The following GCKR variants were observed in gnomAD, a reference collection of about 807,000 sequenced individuals.
GCKR encodes the protein glucokinase regulator.
In GCKR, 73 loss-of-function variants were observed where a neutral mutation model predicts 82.9. The ratio of observed to expected loss-of-function variants is 0.88; its 90% CI spans 0.73 to 1.07. The LOEUF (loss-of-function observed/expected upper bound fraction) is 1.07. GCKR is among the 50% of genes least tolerant of loss of function. GCKR has a pLI of 0.00. For missense variants in GCKR, 784 were observed against 782.1 expected (o/e 1.00, Z -0.03); for synonymous variants, 294 against 291.8 (o/e 1.01, Z -0.08).
rs1357658030 is a variant in GCKR at position 27,506,561 on chromosome 2, T to A, written c.950T>A (p.Met317Lys). The change falls in exon 11 of 19, where the codon ATG becomes AAG. Residue 317 changes from methionine to lysine, a missense_variant. Met to Lys is a moderately conservative substitution (Grantham distance 95). Coordinates refer to ENST00000264717, the MANE Select transcript of GCKR (RefSeq NM_001486.4). ...CAAAGCCCCAAGATTGCCACCCTGA[T>A]GAAGAGTGTCAGCACCAGGTGTGTG... Reference protein sequence around the residue: ...YSQSPKIATLMKSVSTSLEKK... With the variant: ...YSQSPKIATLKKSVSTSLEKK... 3.7e-6 allele frequency: 6 copies of A among 1,610,338 alleles called. No individual in the cohort carries two copies. Among genetic ancestry groups the A allele is most frequent in the Admixed American group, 3.3e-5 (2 of 59,998 alleles).
chr2:27,522,162 A>T (rs1300142074), intron 17 of GCKR, among the ~76,000 whole-genome samples: 2 of 152,200 alleles, frequency 1.3e-5, no homozygotes, highest in Non-Finnish European at 1.5e-5. Flanking sequence ...AGAGAGAGGG[A>T]GTCCAGATTA....
In GCKR at chr2:27,506,816, G is replaced by C; in HGVS notation, c.997G>C (p.Val333Leu). The C allele has an allele frequency of 6.2e-7, 1 of 1,613,430 alleles. No individual in the cohort carries two copies. Reference protein sequence around the residue: ...SLEKKGHVYLVGWQTLGIIAI... With the variant: ...SLEKKGHVYLLGWQTLGIIAI... ...GGAGAAGAAAGGCCACGTGTACCTG[G>C]TTGGCTGGCAGACCCTGGGCATCAT... The change falls in exon 12 of 19, where the codon GTT becomes CTT. Residue 333 changes from valine to leucine, a missense_variant. Coordinates refer to ENST00000264717, the MANE Select transcript of GCKR (RefSeq NM_001486.4).
Position 27,499,225 on chromosome 2 carries a change from G to T in GCKR, c.495+17G>T. The T allele has an allele frequency of 6.3e-7, 1 of 1,577,892 alleles. No homozygotes were observed. The highest frequency in any genetic ancestry group is 1.1e-5 in the South Asian group (1 of 90,280). On this transcript the variant is annotated intron_variant, in intron 6 of 18. Transcript: ENST00000264717. ...CTGAAGAAGGTCTGTGCTTTTCACT[G>T]ACATTGACCAGAGACCTCTATCTGT...
At chr2:27,502,083 G>C (rs1669597237) in intron 8 of GCKR, among the ~76,000 whole-genome samples, 1 of 152,206 alleles carries the variant, frequency 6.6e-6, no homozygotes, top group African/African-American at 2.4e-5. Flanking sequence ...ATGCGGCAAA[G>C]GCTTGTTGAT....
chr2:27,503,491 C>A, intron 8 of GCKR, 23 bp from the exon 9 acceptor site: 1 of 1,256,512 alleles, frequency 8.0e-7, no homozygotes, highest in Non-Finnish European at 1.2e-6. Flanking sequence ...AATCTCCCCA[C>A]CTTGTGTCTC....
chr2:27,516,736 G>A (rs1298320541), intron 16 of GCKR, among the ~76,000 whole-genome samples: 1 of 152,064 alleles, frequency 6.6e-6, no homozygotes, highest in Non-Finnish European at 1.5e-5. Context: ...GGTATCAATG[G>A]TTAGTGGTAT....
intron 16 of GCKR, among the ~76,000 whole-genome samples, chr2:27,516,256 A>G (rs1670002423): frequency 8.0e-6 from 1 of 124,292 alleles, no homozygotes. Context: ...TATGTTTGGT[A>G]TCCAATAGGG....
At chr2:27,514,618 A>G (rs970073534) in intron 16 of GCKR, among the ~76,000 whole-genome samples, 3 of 152,202 alleles carry the variant, frequency 2.0e-5, no homozygotes, top group African/African-American at 7.2e-5. Context: ...CACATATGTA[A>G]TAGTTTACTC....
At position 27,522,520 on chromosome 2, in the gene GCKR, C is replaced by T. The variant is rs1249874193; in HGVS notation, c.1633C>T (p.Pro545Ser). The change falls in exon 18 of 19, where the codon CCC (proline) becomes TCC (serine). Residue 545 changes from proline to serine, a missense_variant. Physicochemically the swap from Pro to Ser is moderately conservative, Grantham distance 74. Transcript: ENST00000264717. ...GAGCCTCCTCCGAGCGATCCACTTTCCCCAGCCACTGTCAGATGATATTCG... is the reference window on the plus strand; with the variant it reads ...GAGCCTCCTCCGAGCGATCCACTTTTCCCAGCCACTGTCAGATGATATTCG... Reference protein sequence around the residue: ...IESLLRAIHFPQPLSDDIRAA... With the variant: ...IESLLRAIHFSQPLSDDIRAA... The T allele has an allele frequency of 1.2e-6, 2 of 1,613,700 alleles. No homozygotes were observed. The highest frequency in any genetic ancestry group is 8.5e-7 in the Non-Finnish European group (1 of 1,179,690).
intron 7 of GCKR, among the ~76,000 whole-genome samples, chr2:27,500,724 A>G (rs1171374184): frequency 6.6e-6 from 1 of 152,214 alleles, no homozygotes; most frequent in African/African-American, 2.4e-5. Flanking sequence ...CAAGATTTCC[A>G]GGTAGTTTGA....
chr2:27,522,333 C>G, intron 17 of GCKR, 127 bp from the exon 18 acceptor site: 1 of 906,878 alleles, frequency 1.1e-6, no homozygotes, highest in Non-Finnish European at 1.8e-6. Context: ...GACAAATCAT[C>G]TACAGCCTCT....
At chr2:27,501,624 A>G (rs1669580734) in intron 8 of GCKR, 12 of 425,680 alleles carry the variant, frequency 2.8e-5, no homozygotes, top group South Asian at 2.0e-4. Flanking sequence ...AGTGGGTGCC[A>G]GATGGCCTCC....
intron 2 of GCKR, 43 bp from the exon 3 acceptor site, chr2:27,497,519 G>T: frequency 6.4e-7 from 1 of 1,571,568 alleles, no homozygotes; most frequent in Non-Finnish European, 8.8e-7. Context: ...CCCATTCATC[G>T]TCCTCCTTTT....
At chr2:27,518,962 G>T in intron 17 of GCKR, 25 bp downstream of exon 17, 2 of 1,552,352 alleles carry the variant, frequency 1.3e-6, no homozygotes, top group South Asian at 2.2e-5. Context: ...GGGCAGGGTT[G>T]GGTGGGACCT....
chr2:27,504,903 A>G (rs1669676022), intron 9 of GCKR, among the ~76,000 whole-genome samples: 1 of 151,944 alleles, frequency 6.6e-6, no homozygotes, highest in Admixed American at 6.5e-5. Flanking sequence ...AGGCGGGCAG[A>G]TGACTTGAGG....
intron 16 of GCKR, among the ~76,000 whole-genome samples, chr2:27,513,909 TTGTGTGTGTGTGTGTGTG>T (rs57848910): frequency 1.8e-4 from 26 of 144,676 alleles, no homozygotes; most frequent in Admixed American, 1.6e-3. Flanking sequence ...TTATTTGCAT[TTGTGTGTGTGTGTGTGTG>T]TGTGTGTGTG....
chr2:27,521,098 C>G (rs543649244), intron 17 of GCKR, among the ~76,000 whole-genome samples: 3 of 152,016 alleles, frequency 2.0e-5, no homozygotes, highest in Non-Finnish European at 4.4e-5. Context: ...GAGGTGTGCT[C>G]TAGTTGCAAA....
At chr2:27,502,136 G>A (rs1669598764) in intron 8 of GCKR, among the ~76,000 whole-genome samples, 1 of 152,090 alleles carries the variant, frequency 6.6e-6, no homozygotes, top group Non-Finnish European at 1.5e-5. Flanking sequence ...GTCTTGGGAA[G>A]GGGGACAAGT....
intron 16 of GCKR, among the ~76,000 whole-genome samples, chr2:27,517,411 C>T (rs182840200): frequency 6.6e-6 from 1 of 152,256 alleles, no homozygotes; most frequent in Non-Finnish European, 1.5e-5. Context: ...GGAAGTAAGG[C>T]ATCTTCTTCC....
Sources: gnomAD v4.1 joint callset for allele counts (sites outside exome capture counted in the v4.1 genomes callset) on GRCh38, gnomAD v4.1.1 for gene constraint, MANE v1.5 for transcripts, NCBI Gene and HGNC (gene_info 2026-07-23, HGNC 2026-07-21) for gene names.